Variants in TYW1 observed in about 807,000 individuals in gnomAD.
TYW1 encodes S-adenosyl-L-methionine-dependent tRNA 4-demethylwyosine synthase TYW1.
Under a neutral mutation model 96.2 loss-of-function variants are expected in TYW1, and 46 were observed. That is an observed-to-expected ratio of 0.48 (90% CI 0.38 to 0.61). TYW1 has a LOEUF of 0.61. TYW1 is among the 20% of genes least tolerant of loss of function. The probability of loss-of-function intolerance (pLI) is 0.00; values close to 1 mark genes in which losing one functional copy is unlikely to be tolerated. For missense variants in TYW1, 684 were observed against 909.6 expected (o/e 0.75, Z 3.19); for synonymous variants, 274 against 323.0 (o/e 0.85, Z 1.63).
intron 9 of TYW1, among the ~76,000 whole-genome samples, chr7:67,065,275 C>T (rs1173239976): frequency 1.3e-5 from 2 of 152,192 alleles, no homozygotes; most frequent in African/African-American, 4.8e-5. Flanking sequence ...CCTCACTTAA[C>T]CTTAAATACC....
chr7:67,100,584 C>T (rs570316294), intron 12 of TYW1, among the ~76,000 whole-genome samples: 2 of 152,116 alleles, frequency 1.3e-5, no homozygotes, highest in East Asian at 1.9e-4. Flanking sequence ...TGGTGACTCA[C>T]GCCTGTAATC....
chr7:67,100,749 A>G (rs957468586), intron 12 of TYW1, among the ~76,000 whole-genome samples: 6 of 150,986 alleles, frequency 4.0e-5, no homozygotes, highest in Non-Finnish European at 8.8e-5. Flanking sequence ...CTGTAGTCCC[A>G]GCTAGTCGGG....
intron 7 of TYW1, among the ~76,000 whole-genome samples, chr7:67,037,499 C>T (rs1429702953): frequency 1.5e-5 from 2 of 135,160 alleles, no homozygotes; most frequent in African/African-American, 5.8e-5. Context: ...AGCGAAACTC[C>T]GTCTCAAAAA....
At chr7:67,034,726 AT>A (rs1794780037) in intron 7 of TYW1, among the ~76,000 whole-genome samples, 1 of 152,292 alleles carries the variant, frequency 6.6e-6, no homozygotes, top group Non-Finnish European at 1.5e-5. Flanking sequence ...ATGTCCCACA[AT>A]TTATTTGGCT....
chr7:67,042,030 TA>T (rs1310418547), intron 7 of TYW1, among the ~76,000 whole-genome samples: 2 of 73,184 alleles, frequency 2.7e-5, no homozygotes, highest in Non-Finnish European at 6.0e-5. Context: ...ATTATATAAT[TA>T]TATTAGAATT....
At chr7:67,201,956 C>G (rs1171583971) in intron 15 of TYW1, among the ~76,000 whole-genome samples, 2 of 152,154 alleles carry the variant, frequency 1.3e-5, no homozygotes, top group Non-Finnish European at 2.9e-5. Context: ...TTGAAATGCC[C>G]AACAGATGTC....
At chr7:67,057,160 G>A (rs1169132975) in intron 9 of TYW1, among the ~76,000 whole-genome samples, 11 of 151,598 alleles carry the variant, frequency 7.3e-5, no homozygotes, top group African/African-American at 1.5e-4. Context: ...GACTACAGGC[G>A]CGCACCACCA....
chr7:67,020,974 G>A (rs1160068448), intron 6 of TYW1, among the ~76,000 whole-genome samples: 12 of 152,270 alleles, frequency 7.9e-5, no homozygotes, highest in Admixed American at 2.0e-4. Flanking sequence ...GTTGCAGTGA[G>A]CCGAGATTGC....
rs1798166004 is a variant in TYW1, at chr7:67,133,930, A to G, written c.1698+16312A>G. 2.0e-5 allele frequency among the ~76,000 whole-genome samples: 3 copies of G among 151,882 alleles called. No homozygotes were observed. In the South Asian group the frequency reaches 6.2e-4, roughly 31 times the overall value. ...GACTCCACTCAAATATCACCTTATC[A>G]GAGAGTTAGCCCCTCCTCATCCTGT... On this transcript the variant is annotated intron_variant, in intron 13 of 15. Transcript: ENST00000359626.
intron 13 of TYW1, among the ~76,000 whole-genome samples, chr7:67,128,369 G>A (rs62468403): frequency 0.04 from 6,129 of 152,186 alleles, 181 homozygotes; most frequent in Middle Eastern, 0.1. Flanking sequence ...TAGAGCTCCA[G>A]CATTTCGATT....
chr7:67,138,573 C>A (rs911343178), intron 13 of TYW1, among the ~76,000 whole-genome samples: 94 of 152,158 alleles, frequency 6.2e-4, no homozygotes, highest in African/African-American at 2.1e-3. Context: ...AGGTCTTATT[C>A]ATTTTTTCTA....
rs1793183585 is a variant in TYW1, at chr7:66,996,911, G to T, written c.-68G>T. On this transcript the variant is annotated 5_prime_UTR_variant, in exon 1 of 16. Coordinates refer to ENST00000359626, the MANE Select transcript of TYW1 (RefSeq NM_018264.4). ...GCGGCGAGGTAGCTCGGTGCGTCTC[G>T]CGGTACCAGTGCGAATCATCGGGCT... 6.2e-7 allele frequency: 1 copy of T among 1,611,374 alleles called. No individual in the cohort carries two copies. Among genetic ancestry groups the T allele is most frequent in the African/African-American group, 1.3e-5 (1 of 74,920 alleles).
chr7:67,121,365 G>A (rs1250550349), intron 13 of TYW1, among the ~76,000 whole-genome samples: 6 of 152,188 alleles, frequency 3.9e-5, no homozygotes, highest in Non-Finnish European at 7.4e-5. Flanking sequence ...GTGAAACCCC[G>A]TCTCTACTAC....
chr7:67,182,425 G>C (rs1056366720), intron 13 of TYW1, among the ~76,000 whole-genome samples: 1 of 152,142 alleles, frequency 6.6e-6, no homozygotes, highest in Non-Finnish European at 1.5e-5. Flanking sequence ...TTAGCCAGGC[G>C]TGATGACGTG....
At chr7:67,009,196 C>T (rs772098619) in intron 3 of TYW1, among the ~76,000 whole-genome samples, 109 of 152,018 alleles carry the variant, frequency 7.2e-4, no homozygotes, top group African/African-American at 1.8e-3. Flanking sequence ...TTTTTTATAA[C>T]GATGAGGTCT....
chr7:67,062,497 A>G (rs1795724079), intron 9 of TYW1, among the ~76,000 whole-genome samples: 1 of 147,932 alleles, frequency 6.8e-6, no homozygotes, highest in Non-Finnish European at 1.5e-5. Context: ...AATCACCCAG[A>G]TGTAGCCCAT....
rs1215812214 is a variant in TYW1 at position 67,237,321 on chromosome 7, A to G, written c.1978-987A>G. ...CGAGACCATCCTGGCTAACACGGTG[A>G]AACCCCGTCTCTACTAAAAATACAA... On this transcript the variant is annotated intron_variant, in intron 15 of 15. Transcript: ENST00000359626. 3.4e-5 allele frequency among the ~76,000 whole-genome samples: 5 copies of G among 145,496 alleles called. No homozygotes were observed. The East Asian group carries it at 9.8e-4, about 28-fold the overall frequency.
At chr7:67,213,280 A>G (rs1404975564) in intron 15 of TYW1, among the ~76,000 whole-genome samples, 1 of 151,654 alleles carries the variant, frequency 6.6e-6, no homozygotes, top group Non-Finnish European at 1.5e-5. Flanking sequence ...GGATCCTCCC[A>G]CCTCACTCTC....
chr7:67,094,939 A>G (rs1387594429), intron 11 of TYW1, among the ~76,000 whole-genome samples: 1 of 151,960 alleles, frequency 6.6e-6, no homozygotes. Flanking sequence ...GGTTAAATAA[A>G]GTGGTGCCTG....
Sources: gnomAD v4.1 joint callset for allele counts (sites outside exome capture counted in the v4.1 genomes callset) on GRCh38, gnomAD v4.1.1 for gene constraint, MANE v1.5 for transcripts, NCBI Gene and HGNC (gene_info 2026-07-23, HGNC 2026-07-21) for gene names.